Variants in GAS2 observed in about 807,000 individuals in gnomAD.
GAS2 encodes growth arrest specific 2.
Under a neutral mutation model 37.5 loss-of-function variants are expected in GAS2, and 20 were observed. The ratio of observed to expected loss-of-function variants is 0.53; its 90% confidence interval spans 0.37 to 0.77. The LOEUF (loss-of-function observed/expected upper bound fraction) is 0.77. Among genes scored for constraint, GAS2 ranks in the 30% least tolerant of loss-of-function variants. The probability of loss-of-function intolerance (pLI) is 0.00; values close to 1 mark genes in which losing one functional copy is unlikely to be tolerated. For missense variants in GAS2, 336 were observed against 373.4 expected (o/e 0.90, Z 0.82); for synonymous variants, 144 against 132.2 (o/e 1.09, Z -0.61).
intron 1 of GAS2, among the ~76,000 whole-genome samples, chr11:22,673,068 C>G (rs1426268374): frequency 6.6e-6 from 1 of 151,688 alleles, no homozygotes; most frequent in African/African-American, 2.4e-5. Flanking sequence ...GTATTTTTTT[C>G]AAAAATTACT....
At chr11:22,765,800 C>A (rs1443913206) in intron 7 of GAS2, among the ~76,000 whole-genome samples, 2 of 151,462 alleles carry the variant, frequency 1.3e-5, no homozygotes, top group African/African-American at 4.8e-5. Context: ...AAAAGACAGA[C>A]CTGAGATTGA....
intron 2 of GAS2, among the ~76,000 whole-genome samples, chr11:22,682,177 C>T (rs1849712478): frequency 6.6e-6 from 1 of 151,748 alleles, no homozygotes; most frequent in Admixed American, 6.6e-5. Flanking sequence ...TACAGATGTT[C>T]AATGTAAAAT....
At chr11:22,647,931 G>T (rs954520277) in intron 1 of GAS2, among the ~76,000 whole-genome samples, 1 of 152,146 alleles carries the variant, frequency 6.6e-6, no homozygotes, top group Non-Finnish European at 1.5e-5. Flanking sequence ...AGTTTAATTA[G>T]ATCCCATTTG....
intron 3 of GAS2, among the ~76,000 whole-genome samples, chr11:22,687,762 G>A (rs337471): frequency 0.36 from 55,124 of 152,012 alleles, 10,790 homozygotes; most frequent in African/African-American, 0.52. Context: ...ATATAATGCC[G>A]ATAAGAGGAC....
intron 3 of GAS2, among the ~76,000 whole-genome samples, chr11:22,687,214 G>A (rs1850006076): frequency 6.6e-6 from 1 of 151,998 alleles, no homozygotes; most frequent in Admixed American, 6.6e-5. Context: ...GTAGCCCCAG[G>A]TATTTGGGAA....
intron 1 of GAS2, among the ~76,000 whole-genome samples, chr11:22,656,007 C>T (rs1848849936): frequency 6.6e-6 from 1 of 152,020 alleles, no homozygotes. Context: ...TTCTCATTTA[C>T]TAAAAAATAA....
chr11:22,647,192 G>A (rs1424774961), intron 1 of GAS2, among the ~76,000 whole-genome samples: 2 of 150,360 alleles, frequency 1.3e-5, no homozygotes, highest in East Asian at 2.0e-4. Flanking sequence ...TTGTTCTTGC[G>A]ATAGTTTACT....
chr11:22,748,979 C>A, intron 5 of GAS2, 141 bp from the exon 6 acceptor site: 1 of 832,496 alleles, frequency 1.2e-6, no homozygotes, highest in Non-Finnish European at 1.8e-6. Flanking sequence ...CAAGAGCTTA[C>A]AATTTCAATG....
chr11:22,707,663 T>C (rs1301252020), intron 3 of GAS2, among the ~76,000 whole-genome samples: 2 of 152,140 alleles, frequency 1.3e-5, no homozygotes, highest in African/African-American at 2.4e-5. Flanking sequence ...TGGTGGCAAA[T>C]GCAATATAAA....
At chr11:22,775,385 G>A (rs762716945) in intron 7 of GAS2, among the ~76,000 whole-genome samples, 2 of 152,136 alleles carry the variant, frequency 1.3e-5, no homozygotes, top group Admixed American at 6.5e-5. Flanking sequence ...AGGCTATCTT[G>A]TGTCTTGGTT....
chr11:22,757,593 T>C (rs1450273900), intron 7 of GAS2, among the ~76,000 whole-genome samples: 1 of 152,228 alleles, frequency 6.6e-6, no homozygotes, highest in Admixed American at 6.5e-5. Context: ...CATGCTATTA[T>C]GACATGTTTT....
chr11:22,752,336 T>C (rs1489511125), intron 6 of GAS2, among the ~76,000 whole-genome samples: 1 of 152,060 alleles, frequency 6.6e-6, no homozygotes, highest in Non-Finnish European at 1.5e-5. Context: ...ATTTGCATTC[T>C]GTTTGATAGG....
intron 1 of GAS2, among the ~76,000 whole-genome samples, chr11:22,642,462 G>A (rs1489879041): frequency 1.3e-5 from 2 of 152,114 alleles, no homozygotes; most frequent in Non-Finnish European, 2.9e-5. Flanking sequence ...AAAATTCATA[G>A]CAGAACATTG....
chr11:22,805,578 C>A (rs911108105), intron 7 of GAS2, among the ~76,000 whole-genome samples: 2 of 152,086 alleles, frequency 1.3e-5, no homozygotes, highest in African/African-American at 4.8e-5. Flanking sequence ...CTTTTCTCTA[C>A]TTCTATGAGA....
At chr11:22,641,861 A>T (rs1217461479) in intron 1 of GAS2, among the ~76,000 whole-genome samples, 1 of 152,194 alleles carries the variant, frequency 6.6e-6, no homozygotes, top group Non-Finnish European at 1.5e-5. Context: ...TGTCATTGCC[A>T]TATACTGTTG....
intron 7 of GAS2, among the ~76,000 whole-genome samples, chr11:22,769,757 G>A (rs1196401504): frequency 6.6e-6 from 1 of 152,142 alleles, no homozygotes; most frequent in Non-Finnish European, 1.5e-5. Context: ...TGTGAGTTTG[G>A]AATCTCTAAT....
At chr11:22,710,536 T>C (rs1383866261) in intron 3 of GAS2, among the ~76,000 whole-genome samples, 1 of 151,926 alleles carries the variant, frequency 6.6e-6, no homozygotes, top group Non-Finnish European at 1.5e-5. Context: ...TATATATATG[T>C]TTCTTACTCC....
intron 3 of GAS2, among the ~76,000 whole-genome samples, chr11:22,693,047 T>C (rs1328950889): frequency 1.3e-5 from 2 of 152,140 alleles, no homozygotes; most frequent in East Asian, 3.8e-4. Flanking sequence ...TGTGTGTATT[T>C]TATGAAACCG....
At chr11:22,702,441 C>T (rs1276100582) in intron 3 of GAS2, 1 of 152,112 alleles carries the variant, frequency 6.6e-6, no homozygotes, top group Admixed American at 6.6e-5. Flanking sequence ...ATTTAAAAAT[C>T]TTTGGACAAG....
Sources: gnomAD v4.1 joint callset for allele counts (sites outside exome capture counted in the v4.1 genomes callset) on GRCh38, gnomAD v4.1.1 for gene constraint, MANE v1.5 for transcripts, NCBI Gene and HGNC (gene_info 2026-07-23, HGNC 2026-07-21) for gene names.